Variants in SMCHD1 observed in about 807,000 individuals in gnomAD.
The protein encoded by SMCHD1 is structural maintenance of chromosomes flexible hinge domain-containing protein 1.
A neutral mutation model predicts 254.7 loss-of-function variants in SMCHD1; 78 were observed. That is an observed-to-expected ratio of 0.31 (90% CI 0.26 to 0.37). The LOEUF (loss-of-function observed/expected upper bound fraction) is 0.37. Ranked by LOEUF, SMCHD1 falls within the 10% of genes least tolerant of loss-of-function variation. The pLI, the probability that SMCHD1 is intolerant of heterozygous loss-of-function variation, is 1.00. For missense variants in SMCHD1, 1,840 were observed against 2,408.1 expected, an observed-to-expected ratio of 0.76 and a Z score of 4.94; for synonymous variants, 766 against 794.9, an observed-to-expected ratio of 0.96 and a Z score of 0.61.
chr18:2,786,607 A>T (rs1189445863), intron 45 of SMCHD1, among the ~76,000 whole-genome samples: 1 of 152,000 alleles, frequency 6.6e-6, no homozygotes, highest in Non-Finnish European at 1.5e-5. Flanking sequence ...CAGGACCATC[A>T]CTTGAGCCTG....
intron 26 of SMCHD1, 125 bp downstream of exon 26, chr18:2,738,670 G>T: frequency 1.2e-6 from 1 of 848,312 alleles, no homozygotes; most frequent in Non-Finnish European, 1.7e-6. Context: ...GATTGTCTTT[G>T]GAATAAAGTG....
intron 3 of SMCHD1, among the ~76,000 whole-genome samples, chr18:2,670,762 G>T (rs554780135): frequency 1.3e-5 from 2 of 152,014 alleles, no homozygotes; most frequent in East Asian, 4.0e-4. Context: ...TTGGCCAGGC[G>T]TGGAGGTGGG....
At chr18:2,680,756 G>T (rs2073905725) in intron 5 of SMCHD1, among the ~76,000 whole-genome samples, 1 of 152,192 alleles carries the variant, frequency 6.6e-6, no homozygotes, top group Admixed American at 6.5e-5. Context: ...TTTTTGGTCA[G>T]ATTCTTGTTT....
In SMCHD1 at chr18:2,674,009, T is replaced by C; in HGVS notation, c.508-6T>C. On this transcript the variant is annotated splice_polypyrimidine_tract_variant and splice_region_variant and intron_variant, in intron 4 of 47. Coordinates refer to ENST00000320876, the MANE Select transcript of SMCHD1 (RefSeq NM_015295.3). ...CCTGTCTTTTTGAACTTATTTTGTT[T>C]CATAGCTTTTTGATGAAACACAAGG... is the stretch of plus-strand genomic sequence containing the variant. 6.4e-7 allele frequency: 1 copy of C among 1,574,482 alleles called. No homozygotes were observed. The highest frequency in any genetic ancestry group is 8.6e-7 in the Non-Finnish European group (1 of 1,160,856).
intron 17 of SMCHD1, among the ~76,000 whole-genome samples, chr18:2,716,261 T>C (rs749666505): frequency 2.0e-5 from 3 of 152,200 alleles, no homozygotes; most frequent in Non-Finnish European, 4.4e-5. Context: ...CCTGTGTAGC[T>C]GCAGTGGTAT....
At chr18:2,702,480 C>A (rs1040382783) in intron 12 of SMCHD1, among the ~76,000 whole-genome samples, 6 of 152,036 alleles carry the variant, frequency 3.9e-5, no homozygotes, top group Admixed American at 3.3e-4. Flanking sequence ...GATAGTGAAT[C>A]CATCCTGAGA....
chr18:2,671,441 A>G (rs2073597876), intron 3 of SMCHD1, among the ~76,000 whole-genome samples: 1 of 152,130 alleles, frequency 6.6e-6, no homozygotes, highest in South Asian at 2.1e-4. Flanking sequence ...CCATCATTAT[A>G]TGGATAAGCA....
chr18:2,725,529 A>T (rs564605390), intron 21 of SMCHD1, among the ~76,000 whole-genome samples: 1 of 152,062 alleles, frequency 6.6e-6, no homozygotes, highest in East Asian at 1.9e-4. Context: ...AAACTCTAAT[A>T]AGGTAATTTT....
chr18:2,721,305 A>C (rs561573109), intron 19 of SMCHD1, among the ~76,000 whole-genome samples: 1 of 152,210 alleles, frequency 6.6e-6, no homozygotes, highest in African/African-American at 2.4e-5. Flanking sequence ...TTGTAGAGTC[A>C]TTGTTACAGG....
chr18:2,784,672 A>G, intron 45 of SMCHD1, 51 bp downstream of exon 45: 1 of 1,468,626 alleles, frequency 6.8e-7, no homozygotes, highest in East Asian at 2.4e-5. Context: ...TTTTACTCTT[A>G]TTTTTCTAAG....
intron 5 of SMCHD1, among the ~76,000 whole-genome samples, chr18:2,676,066 A>T (rs1237988939): frequency 1.3e-5 from 2 of 152,136 alleles, no homozygotes; most frequent in African/African-American, 4.8e-5. Flanking sequence ...TTCAGCCTCT[A>T]GCTTCTGCTC....
At chr18:2,696,487 C>T (rs1380432065) in intron 8 of SMCHD1, among the ~76,000 whole-genome samples, 1 of 152,154 alleles carries the variant, frequency 6.6e-6, no homozygotes, top group Non-Finnish European at 1.5e-5. Context: ...TGAGGTGGAA[C>T]ATTTTCATCC....
At chr18:2,793,672 G>GAAAAAAAAAAA (rs77607786) in intron 45 of SMCHD1, among the ~76,000 whole-genome samples, 1 of 65,880 alleles carries the variant, frequency 1.5e-5, no homozygotes, top group Admixed American at 1.6e-4. Context: ...AAAAAAAAAA[G>GAAAAAAAAAAA]AAAGAAAACA....
chr18:2,749,222 A>C (rs1242953925), intron 30 of SMCHD1, among the ~76,000 whole-genome samples: 1 of 152,170 alleles, frequency 6.6e-6, no homozygotes, highest in Non-Finnish European at 1.5e-5. Context: ...CTATCATTTC[A>C]AGTACCCTTT....
chr18:2,794,540 T>G (rs143799742), intron 45 of SMCHD1, among the ~76,000 whole-genome samples: 75 of 152,344 alleles, frequency 4.9e-4, no homozygotes, highest in Non-Finnish European at 8.8e-4. Flanking sequence ...TAAACCATTC[T>G]TGGCCAATGA....
At chr18:2,719,195 T>C (rs1466748644) in intron 19 of SMCHD1, among the ~76,000 whole-genome samples, 5 of 151,834 alleles carry the variant, frequency 3.3e-5, no homozygotes, top group Non-Finnish European at 5.9e-5. Context: ...TTCTATTTTC[T>C]TTTTCTCTCC....
chr18:2,678,259 C>T (rs1163329236), intron 5 of SMCHD1, among the ~76,000 whole-genome samples: 202 of 134,212 alleles, frequency 1.5e-3, no homozygotes, highest in Non-Finnish European at 1.7e-3. Flanking sequence ...TTCTTTCTCT[C>T]TCTCTCTCTC....
chr18:2,784,658 T>C (rs992942171), intron 45 of SMCHD1, 37 bp downstream of exon 45: 6 of 1,501,784 alleles, frequency 4.0e-6, no homozygotes, highest in Non-Finnish European at 5.3e-6. Flanking sequence ...AATTTCTAAT[T>C]TAATTTTACT....
At chr18:2,784,422 C>T in intron 44 of SMCHD1, 28 bp from the exon 45 acceptor site, 2 of 1,565,162 alleles carry the variant, frequency 1.3e-6, no homozygotes, top group Non-Finnish European at 1.7e-6. Flanking sequence ...AAGTTGCTCA[C>T]TACTTACTAT....
Sources: gnomAD v4.1 joint callset for allele counts (sites outside exome capture counted in the v4.1 genomes callset) on GRCh38, gnomAD v4.1.1 for gene constraint, MANE v1.5 for transcripts, NCBI Gene and HGNC (gene_info 2026-07-23, HGNC 2026-07-21) for gene names.